LMO3: variants seen among roughly 807,000 people sequenced by gnomAD.
The protein encoded by LMO3 is LIM domain only 3, also known as LIM domain only protein 3.
In LMO3, 2 loss-of-function variants were observed where a neutral mutation model predicts 15.8. The observed-to-expected ratio is 0.13, with a 90% CI of 0.05 to 0.40. The LOEUF (loss-of-function observed/expected upper bound fraction) is 0.40. LMO3 is among the 10% of genes least tolerant of loss of function. The pLI is 0.99. For missense variants in LMO3, 86 were observed against 182.2 expected (o/e 0.47, Z 3.04); for synonymous variants, 62 against 63.8 (o/e 0.97, Z 0.13).
Position 16,604,761 on chromosome 12 carries a change from TTC to T in LMO3, c.-9+1303_-9+1304del. The T allele has an allele frequency of 7.9e-7, 1 of 1,272,286 alleles. No individual in the cohort carries two copies. Among genetic ancestry groups the T allele is most frequent in the South Asian group, 1.2e-5 (1 of 82,444 alleles). 78.8% of individuals were successfully genotyped at this position (1,272,286 alleles called of 1,614,324 possible). A position where few individuals can be genotyped will look rare whatever the true frequency, so the allele number is the denominator to read the frequency against. Reference sequence around the variant, plus strand: ...AGCAGTTACAACAATAATATTTCGGTTCTTTCAGAAAGACACAAAAGCAGCGG... The same window carrying T: ...AGCAGTTACAACAATAATATTTCGGTTTTCAGAAAGACACAAAAGCAGCGG... On this transcript the variant is annotated intron_variant, in intron 1 of 3. Coordinates refer to ENST00000537304, the MANE Select transcript of LMO3 (RefSeq NM_018640.5). The surrounding 1 kb of genome is among the most constrained non-coding windows in gnomAD (Gnocchi z 5.3).
At chr12:16,565,812 C>T (rs979689950) in intron 2 of LMO3, among the ~76,000 whole-genome samples, 1 of 150,884 alleles carries the variant, frequency 6.6e-6, no homozygotes, top group African/African-American at 2.4e-5. Flanking sequence ...AAAAACAGAA[C>T]TACCATATGA....
intron 2 of LMO3, among the ~76,000 whole-genome samples, chr12:16,592,507 G>A (rs1943525242): frequency 6.6e-6 from 1 of 151,938 alleles, no homozygotes; most frequent in Admixed American, 6.6e-5. Context: ...CCTGTAAAAT[G>A]CAAATAACCT....
chr12:16,603,473 C>T lies in LMO3; in HGVS notation c.-9+2593G>A, dbSNP rs1403984610. Among the ~76,000 whole-genome samples the T allele has an allele frequency of 4.6e-5, 7 of 152,164 alleles. No homozygotes were observed. Among genetic ancestry groups the T allele is most frequent in the African/African-American group, 1.4e-4 (6 of 41,456 alleles). On this transcript the variant is annotated intron_variant, in intron 1 of 3. Coordinates refer to ENST00000537304, the MANE Select transcript of LMO3 (RefSeq NM_018640.5). This position sits in a 1 kb window ranked among gnomAD's most constrained non-coding sequence, Gnocchi z 4.9. ...GAGTTACGTGTTTGTAGCTAAGAAACATTTCACAAGTTGCTCATAGCACAT... is the reference window on the plus strand; with the variant it reads ...GAGTTACGTGTTTGTAGCTAAGAAATATTTCACAAGTTGCTCATAGCACAT...
intron 2 of LMO3, among the ~76,000 whole-genome samples, chr12:16,569,379 G>T (rs2137421084): frequency 6.6e-6 from 1 of 152,240 alleles, no homozygotes. Context: ...GAGGGTAATG[G>T]CTGGTCTACA....
chr12:16,600,535 T>C (rs532836991), intron 2 of LMO3, 120 bp downstream of exon 2: 5 of 809,154 alleles, frequency 6.2e-6, no homozygotes, highest in Non-Finnish European at 9.9e-6. Context: ...GGCTGACAGG[T>C]AACTTCTTTC....
intron 1 of LMO3, chr12:16,602,381 T>C (rs538766322): frequency 6.6e-6 from 1 of 152,372 alleles, no homozygotes; most frequent in Admixed American, 6.5e-5. Flanking sequence ...CAGAGCGGAA[T>C]AACTTTTCTA....
chr12:16,567,135 G>T (rs141390400), intron 2 of LMO3, among the ~76,000 whole-genome samples: 1 of 152,138 alleles, frequency 6.6e-6, no homozygotes, highest in Non-Finnish European at 1.5e-5. Context: ...GGCGGAGGTT[G>T]CAGTGAGCTG....
intron 2 of LMO3, among the ~76,000 whole-genome samples, chr12:16,565,885 T>G (rs1942579633): frequency 6.7e-6 from 1 of 149,944 alleles, no homozygotes; most frequent in Non-Finnish European, 1.5e-5. Flanking sequence ...TGAAGAGATA[T>G]CTGCACTCTC....
chr12:16,601,944 A>G (rs1943836411), intron 1 of LMO3: 1 of 152,168 alleles, frequency 6.6e-6, no homozygotes, highest in Non-Finnish European at 1.5e-5. Flanking sequence ...TTTATCAAAT[A>G]ACTCATTTTA....
chr12:16,602,036 C>G (rs1015786895), intron 1 of LMO3: 1 of 152,214 alleles, frequency 6.6e-6, no homozygotes, highest in Non-Finnish European at 1.5e-5. Flanking sequence ...AAGAGAGGTT[C>G]AGAGACTTGC....
At chr12:16,561,635 CTG>C (rs1942409029) in intron 2 of LMO3, among the ~76,000 whole-genome samples, 1 of 152,208 alleles carries the variant, frequency 6.6e-6, no homozygotes, top group Admixed American at 6.5e-5. Flanking sequence ...CACAAATGTG[CTG>C]AAGTCTCTCA....
chr12:16,556,115 AAATT>A (rs1385520258), intron 3 of LMO3, among the ~76,000 whole-genome samples: 1 of 152,322 alleles, frequency 6.6e-6, no homozygotes, highest in Admixed American at 6.5e-5. Flanking sequence ...AAAAAAAAGA[AAATT>A]AATTAATTGT....
chr12:16,591,983 A>T lies in LMO3; in HGVS notation c.206+8672T>A, dbSNP rs2137629767. ...TTTATATATTCTACTTAGTTATTTG[A>T]CAATAATAGTGACTATGTTTATCAG... On this transcript the variant is annotated intron_variant, in intron 2 of 3. Coordinates refer to ENST00000537304, the MANE Select transcript of LMO3 (RefSeq NM_018640.5). This position sits in a 1 kb window ranked among gnomAD's most constrained non-coding sequence, Gnocchi z 4.1. Among the ~76,000 whole-genome samples the T allele has an allele frequency of 6.6e-6, 1 of 152,152 alleles. No individual in the cohort carries two copies. The highest frequency in any genetic ancestry group is 2.4e-5 in the African/African-American group (1 of 41,538).
chr12:16,565,825 C>A, intron 2 of LMO3, among the ~76,000 whole-genome samples: 1 of 150,752 alleles, frequency 6.6e-6, no homozygotes, highest in African/African-American at 2.4e-5. Context: ...CCATATGATC[C>A]AGCAATCCCA....
At chr12:16,609,958 G>T (rs902250159), upstream of LMO3, 7 of 151,072 alleles carry the variant, frequency 4.6e-5, no homozygotes, top group Admixed American at 3.3e-4. Flanking sequence ...CAGGTTGTTG[G>T]GGGGAGGCAA....
rs1228527805 is a variant in LMO3, at chr12:16,604,825, A to G, written c.-9+1241T>C. On this transcript the variant is annotated intron_variant, in intron 1 of 3. Coordinates refer to ENST00000537304, the MANE Select transcript of LMO3 (RefSeq NM_018640.5). The surrounding 1 kb of genome is among the most constrained non-coding windows in gnomAD (Gnocchi z 5.3). Reference sequence around the variant, plus strand: ...GGCTTTTGAGCGGCCAGGAGTGCAGAGCGCCAGCAAAGTGCATCTATGATA... The same window carrying G: ...GGCTTTTGAGCGGCCAGGAGTGCAGGGCGCCAGCAAAGTGCATCTATGATA... The G allele has an allele frequency of 2.5e-6, 4 of 1,596,210 alleles. No homozygotes were observed. Among genetic ancestry groups the G allele is most frequent in the Middle Eastern group, 1.6e-4 (1 of 6,080 alleles).
At chr12:16,600,977 T>C (rs901175195) in intron 1 of LMO3, 109 bp from the exon 2 acceptor site, 1 of 839,190 alleles carries the variant, frequency 1.2e-6, no homozygotes, top group Non-Finnish European at 1.8e-6. Context: ...TGTTAGCTTT[T>C]CTTGTTTAGG....
chr12:16,582,612 C>G lies in LMO3; in HGVS notation c.206+18043G>C, dbSNP rs1943195658. On this transcript the variant is annotated intron_variant, in intron 2 of 3. Coordinates refer to ENST00000537304, the MANE Select transcript of LMO3 (RefSeq NM_018640.5). This position sits in a 1 kb window ranked among gnomAD's most constrained non-coding sequence, Gnocchi z 4.1. Reference sequence around the variant, plus strand: ...AATGGGCTACGGGTAGAGATTGAGCCATCACAATAAGAGGAGGGATTGAAA... The same window carrying G: ...AATGGGCTACGGGTAGAGATTGAGCGATCACAATAAGAGGAGGGATTGAAA... Among the ~76,000 whole-genome samples the G allele has an allele frequency of 1.3e-5, 2 of 152,078 alleles. No individual in the cohort carries two copies. The highest frequency in any genetic ancestry group is 4.1e-4 in the South Asian group (2 of 4,832).
chr12:16,583,041 C>T (rs1409879971), intron 2 of LMO3, among the ~76,000 whole-genome samples: 18 of 74,910 alleles, frequency 2.4e-4, no homozygotes, highest in Non-Finnish European at 4.0e-4. Flanking sequence ...TGCGAGACTC[C>T]GCCTCAAAAA....
Sources: gnomAD v4.1 joint callset for allele counts (sites outside exome capture counted in the v4.1 genomes callset) on GRCh38, gnomAD v4.1.1 for gene constraint, Gnocchi (gnomAD v3.1) non-coding constraint, MANE v1.5 for transcripts, NCBI Gene and HGNC (gene_info 2026-07-23, HGNC 2026-07-21) for gene names.